The following MAMDC2 variants were observed in gnomAD, a reference collection of about 807,000 sequenced individuals.
MAMDC2 encodes MAM domain-containing protein 2.
Under a neutral mutation model 89.8 loss-of-function variants are expected in MAMDC2, and 57 were observed. The ratio of observed to expected loss-of-function variants is 0.63; its 90% CI spans 0.51 to 0.79. The LOEUF (loss-of-function observed/expected upper bound fraction) is 0.79, where lower values mean the gene tolerates loss of function less well. MAMDC2 is among the 30% of genes least tolerant of loss of function. MAMDC2 has a pLI of 0.00. For synonymous variants in MAMDC2, 313 were observed against 293.4 expected, an observed-to-expected ratio of 1.07 and a Z score of -0.68; for missense variants, 800 against 820.6, an observed-to-expected ratio of 0.97 and a Z score of 0.31.
At chr9:70,082,073 G>A (rs1444821436) in intron 2 of MAMDC2, 2 of 152,172 alleles carry the variant, frequency 1.3e-5, no homozygotes, top group African/African-American at 4.8e-5. Context: ...TGTGGCTTAG[G>A]CCTGTGGGGC....
At chr9:70,127,639 G>T (rs571298522) in intron 6 of MAMDC2, among the ~76,000 whole-genome samples, 1 of 151,088 alleles carries the variant, frequency 6.6e-6, no homozygotes, top group Admixed American at 6.6e-5. Flanking sequence ...TACTGATGGC[G>T]TGCCTGCCTC....
At chr9:70,106,362 T>TC (rs34803616) in intron 2 of MAMDC2, among the ~76,000 whole-genome samples, 9,703 of 152,256 alleles carry the variant, frequency 0.064, 986 homozygotes, top group African/African-American at 0.21. Flanking sequence ...ATACTCCATG[T>TC]CCAACTCTCT....
rs577803575 is a variant in MAMDC2 at position 70,106,516 on chromosome 9, T to C, written c.149-1695T>C. Among the ~76,000 whole-genome samples, 7 of 152,222 alleles carry C rather than the reference T, an allele frequency of 4.6e-5. No individual in the cohort carries two copies. The South Asian group carries it at 1.0e-3, about 23-fold the overall frequency. On this transcript the variant is annotated intron_variant, in intron 2 of 13. Coordinates refer to ENST00000377182, the MANE Select transcript of MAMDC2 (RefSeq NM_153267.5). Reference sequence around the variant, plus strand: ...TCATGCCACAAGAAGCAGCACTTTTTATCCAAAAAGGGTTGGCCTCAAGAG... The same window carrying C: ...TCATGCCACAAGAAGCAGCACTTTTCATCCAAAAAGGGTTGGCCTCAAGAG...
chr9:70,084,494 A>G (rs1247596827), intron 2 of MAMDC2, among the ~76,000 whole-genome samples: 2 of 152,032 alleles, frequency 1.3e-5, no homozygotes, highest in African/African-American at 4.8e-5. Flanking sequence ...TATAGTCACA[A>G]TCACACGCTA....
chr9:70,199,479 T>C (rs1450455154), intron 11 of MAMDC2, among the ~76,000 whole-genome samples: 2 of 150,508 alleles, frequency 1.3e-5, no homozygotes, highest in South Asian at 2.2e-4. Context: ...GTTCCAAGCC[T>C]CTGCTATTGT....
intron 9 of MAMDC2, among the ~76,000 whole-genome samples, chr9:70,159,047 T>TACACACACACACAC (rs755304556): frequency 2.1e-5 from 3 of 145,148 alleles, no homozygotes; most frequent in South Asian, 2.2e-4. Flanking sequence ...GCATGCATAA[T>TACACACACACACAC]ACACACACAC....
At chr9:70,050,094 G>A (rs1239355218) in intron 2 of MAMDC2, among the ~76,000 whole-genome samples, 1 of 152,164 alleles carries the variant, frequency 6.6e-6, no homozygotes, top group Non-Finnish European at 1.5e-5. Flanking sequence ...CAGACATGTG[G>A]AAGAACTCAG....
intron 9 of MAMDC2, among the ~76,000 whole-genome samples, chr9:70,162,905 C>T (rs1335535727): frequency 1.0e-4 from 5 of 49,404 alleles, no homozygotes; most frequent in Non-Finnish European, 1.4e-4. Flanking sequence ...TCAACCACCC[C>T]CCTCAAAAAA....
chr9:70,134,253 T>G (rs571374001), intron 7 of MAMDC2, among the ~76,000 whole-genome samples: 1 of 152,120 alleles, frequency 6.6e-6, no homozygotes, highest in Admixed American at 6.5e-5. Context: ...TCACAGGTAC[T>G]CAACAGCAAT....
intron 11 of MAMDC2, among the ~76,000 whole-genome samples, chr9:70,199,072 T>G (rs1232892749): frequency 1.3e-5 from 2 of 151,552 alleles, no homozygotes; most frequent in African/African-American, 2.4e-5. Flanking sequence ...TTTTTTTTAT[T>G]ATACTTTAAG....
At position 70,127,820 on chromosome 9, in the gene MAMDC2, C is replaced by T. The variant is rs138696864; in HGVS notation, c.900+1405C>T. On this transcript the variant is annotated intron_variant, in intron 6 of 13. Coordinates refer to ENST00000377182, the MANE Select transcript of MAMDC2 (RefSeq NM_153267.5). ...GAAAATTTTCTGTGAGTTTGGGTTA[C>T]GAGGAGGAAAAGAAATGCATGTACT... Among the ~76,000 whole-genome samples, 24 of 152,150 alleles carry T rather than the reference C, an allele frequency of 1.6e-4. No individual in the cohort carries two copies. The East Asian group carries it at 4.4e-3, about 28-fold the overall frequency.
chr9:70,208,453 G>A (rs1464646168), intron 11 of MAMDC2, among the ~76,000 whole-genome samples: 4 of 152,118 alleles, frequency 2.6e-5, no homozygotes, highest in Admixed American at 6.5e-5. Context: ...TTGGTGTATA[G>A]GAATGCTTGT....
intron 5 of MAMDC2, among the ~76,000 whole-genome samples, chr9:70,123,086 G>C (rs1292356899): frequency 6.6e-6 from 1 of 152,162 alleles, no homozygotes; most frequent in African/African-American, 2.4e-5. Context: ...CTGCAATTAG[G>C]TATCCAGGAA....
At chr9:70,196,402 T>C (rs1440515804) in intron 11 of MAMDC2, among the ~76,000 whole-genome samples, 1 of 152,108 alleles carries the variant, frequency 6.6e-6, no homozygotes, top group African/African-American at 2.4e-5. Flanking sequence ...AGGCATTAAA[T>C]TTGTGAGTGG....
intron 11 of MAMDC2, chr9:70,188,668 T>A (rs536630039): frequency 1.3e-5 from 2 of 151,292 alleles, no homozygotes; most frequent in African/African-American, 4.9e-5. Context: ...TAATATAGTA[T>A]CCTCAGATAG....
At chr9:70,096,748 A>G (rs934338200) in intron 2 of MAMDC2, among the ~76,000 whole-genome samples, 2 of 152,170 alleles carry the variant, frequency 1.3e-5, no homozygotes, top group Non-Finnish European at 2.9e-5. Context: ...TGAAATACTA[A>G]CAAGTAAGAG....
chr9:70,045,912 A>T (rs571436994), intron 2 of MAMDC2, among the ~76,000 whole-genome samples: 3 of 152,338 alleles, frequency 2.0e-5, no homozygotes, highest in South Asian at 4.1e-4. Flanking sequence ...AGTCTTGACT[A>T]CTACAGTCTA....
At chr9:70,204,240 G>T (rs1418122363) in intron 11 of MAMDC2, among the ~76,000 whole-genome samples, 110 of 149,078 alleles carry the variant, frequency 7.4e-4, no homozygotes, top group African/African-American at 2.5e-3. Context: ...TTTCGGTGTG[G>T]ATGTCCTTTC....
In MAMDC2 at chr9:70,170,600, A is replaced by G; in HGVS notation, c.1620A>G (p.Thr540=). 1 of 1,611,730 alleles carries G rather than the reference A, an allele frequency of 6.2e-7. No homozygotes were observed. Among genetic ancestry groups the G allele is most frequent in the South Asian group, 1.1e-5 (1 of 90,726 alleles). The change falls in exon 11 of 14, where the codon ACA becomes ACG. Residue 540 remains threonine (T), a synonymous_variant. Transcript: ENST00000377182. The part of the protein sequence containing the change: ...RRRGETPTSY[T]GPKGDHTTGV... ...GGGGAGAAACTCCCACTTCCTACAC[A>G]GGACCAAAGGGAGATCACACTACTG...
Sources: allele counts gnomAD v4.1 joint callset (sites outside exome capture counted in the v4.1 genomes callset), GRCh38; gene constraint gnomAD v4.1.1; transcripts MANE v1.5; gene names NCBI Gene and HGNC (gene_info 2026-07-23, HGNC 2026-07-21).